LCORL: variants seen among roughly 807,000 people sequenced by gnomAD.
LCORL encodes ligand-dependent nuclear receptor corepressor-like protein.
A neutral mutation model predicts 141.8 loss-of-function variants in LCORL; 41 were observed. The ratio of observed to expected loss-of-function variants is 0.29; its 90% CI spans 0.23 to 0.38. The LOEUF (loss-of-function observed/expected upper bound fraction) is 0.38. LCORL is among the 10% of genes least tolerant of loss of function. The pLI, the probability that LCORL is intolerant of heterozygous loss-of-function variation, is 1.00. For synonymous variants in LCORL, 618 were observed against 694.1 expected (o/e 0.89, Z 1.72); for missense variants, 1,759 against 2,035.0 (o/e 0.86, Z 2.61).
At position 17,987,599 on chromosome 4, in the gene LCORL, A is replaced by T. The variant is rs543408068; in HGVS notation, c.155-14714T>A. Among the ~76,000 whole-genome samples the T allele has an allele frequency of 2.1e-4, 32 of 152,300 alleles. No individual in the cohort carries two copies. The Middle Eastern group carries it at 0.014, about 65-fold the overall frequency. ...TGGGTCATATGGTAAGTTTATATTT[A>T]ACATTAAAAAAAACTGACAAACTGC... On this transcript the variant is annotated intron_variant, in intron 1 of 7. Coordinates refer to ENST00000635767, the Ensembl canonical transcript of LCORL.
chr4:17,875,362 A>T, exon 7 of LCORL: 1 of 1,231,444 alleles, frequency 8.1e-7, no homozygotes, highest in Non-Finnish European at 1.0e-6. Context: ...CCAGACCCCA[A>T]GATCTCACTT....
At chr4:17,842,471 G>A in exon 8 of LCORL, 2 of 980,340 alleles carry the variant, frequency 2.0e-6, no homozygotes, top group Non-Finnish European at 1.6e-6. Context: ...GAATGAGAGA[G>A]AATATATAAC....
At chr4:17,851,587 T>C (rs1243367719) in intron 7 of LCORL, among the ~76,000 whole-genome samples, 2 of 152,240 alleles carry the variant, frequency 1.3e-5, no homozygotes, top group East Asian at 3.8e-4. Flanking sequence ...TAATTGATTT[T>C]ATCAGTCCTC....
At chr4:17,873,337 T>C (rs1342592538) in intron 7 of LCORL, 51 bp downstream of exon 7, 2 of 1,110,838 alleles carry the variant, frequency 1.8e-6, no homozygotes, top group African/African-American at 1.6e-5. Context: ...TGTTATACTT[T>C]ACTCAAGGCA....
intron 5 of LCORL, among the ~76,000 whole-genome samples, chr4:17,892,457 G>A (rs955212881): frequency 3.3e-5 from 5 of 152,000 alleles, no homozygotes; most frequent in African/African-American, 7.2e-5. Context: ...TGATCTGCCC[G>A]CCTTGGCCTC....
intron 5 of LCORL, among the ~76,000 whole-genome samples, chr4:17,894,236 G>GT (rs1729542833): frequency 1.3e-5 from 2 of 152,112 alleles, no homozygotes; most frequent in African/African-American, 4.8e-5. Context: ...TTGAAAAACT[G>GT]TAAGTTGAAC....
chr4:17,898,651 CG>C (rs1328993671), intron 5 of LCORL, among the ~76,000 whole-genome samples: 10 of 104,754 alleles, frequency 9.5e-5, no homozygotes, highest in Non-Finnish European at 1.3e-4. Flanking sequence ...TCATTCTCAC[CG>C]TTTTTTTTTT....
intron 4 of LCORL, among the ~76,000 whole-genome samples, chr4:17,939,907 T>TAC (rs1414596548): frequency 8.9e-5 from 11 of 122,984 alleles, no homozygotes; most frequent in Admixed American, 2.3e-4. Context: ...TATGTATATA[T>TAC]ACATATATGT....
At chr4:17,908,039 T>TC (rs1343710023) in intron 5 of LCORL, among the ~76,000 whole-genome samples, 1 of 151,350 alleles carries the variant, frequency 6.6e-6, no homozygotes, top group Non-Finnish European at 1.5e-5. Flanking sequence ...TATATTCTTC[T>TC]TTTTTTTTAA....
At chr4:17,902,025 T>C (rs1236964886) in intron 5 of LCORL, among the ~76,000 whole-genome samples, 1 of 151,918 alleles carries the variant, frequency 6.6e-6, no homozygotes, top group Non-Finnish European at 1.5e-5. Context: ...AAATAAGTAA[T>C]ATGTACTTAC....
At chr4:17,916,790 A>T (rs1733515976) in intron 4 of LCORL, among the ~76,000 whole-genome samples, 2 of 151,666 alleles carry the variant, frequency 1.3e-5, no homozygotes, top group South Asian at 4.2e-4. Flanking sequence ...GATTACAGGC[A>T]TGTGCCACCA....
chr4:17,911,823 C>A, intron 4 of LCORL: 1 of 454,122 alleles, frequency 2.2e-6, no homozygotes. Context: ...CCATGTCCTG[C>A]TCCACCAGCT....
chr4:18,021,822 GGCGCGAGCCCC>G lies in LCORL; in HGVS notation c.-82_-72del. The G allele has an allele frequency of 7.2e-7, 1 of 1,390,040 alleles. No homozygotes were observed. Among genetic ancestry groups the G allele is most frequent in the Non-Finnish European group, 9.3e-7 (1 of 1,078,720 alleles). The allele number at this position is 1,390,040 out of a possible 1,614,324, so 86.1% of individuals were successfully genotyped here. On this transcript the variant is annotated 5_prime_UTR_variant, in exon 1 of 8. Transcript: ENST00000635767. This position sits in a 1 kb window ranked among gnomAD's most constrained non-coding sequence, Gnocchi z 5.5. ...GCACGAGGCAGGGGCGCGAGCCCTC[GGCGCGAGCCCC>G]GGAGCGCGCGCCCCCCGGAGGGGGG...
Position 17,906,356 on chromosome 4 carries a change from C to T in LCORL, c.682+2738G>A, listed in dbSNP as rs140059615. Reference sequence around the variant, plus strand: ...GTCAAAATTTGGTCCCTACCTACTTCTTTAGCTTCATCTACCATCACTCTT... The same window carrying T: ...GTCAAAATTTGGTCCCTACCTACTTTTTTAGCTTCATCTACCATCACTCTT... On this transcript the variant is annotated intron_variant, in intron 5 of 7. Transcript: ENST00000635767. Among the ~76,000 whole-genome samples the T allele has an allele frequency of 7.8e-3, 1,193 of 152,238 alleles. 4 individuals carry two copies. The highest frequency in any genetic ancestry group is 0.017 in the African/African-American group (716 of 41,544).
intron 5 of LCORL, among the ~76,000 whole-genome samples, chr4:17,890,228 C>T (rs1728882995): frequency 1.3e-5 from 2 of 152,038 alleles, no homozygotes; most frequent in Admixed American, 1.3e-4. Flanking sequence ...ATTTATTTCC[C>T]ACATCCTTGA....
chr4:17,934,005 A>G (rs1438241412), intron 4 of LCORL, among the ~76,000 whole-genome samples: 1 of 152,048 alleles, frequency 6.6e-6, no homozygotes, highest in Non-Finnish European at 1.5e-5. Flanking sequence ...GTACCTTGCC[A>G]AGACTGCTAC....
At chr4:17,895,218 A>T (rs1729733034) in intron 5 of LCORL, among the ~76,000 whole-genome samples, 1 of 152,084 alleles carries the variant, frequency 6.6e-6, no homozygotes, top group African/African-American at 2.4e-5. Context: ...CTATGTTACC[A>T]TTAACTATAG....
chr4:17,861,599 A>T (rs558921876), intron 7 of LCORL, among the ~76,000 whole-genome samples: 1 of 152,326 alleles, frequency 6.6e-6, no homozygotes, highest in African/African-American at 2.4e-5. Flanking sequence ...CTCATTAGTT[A>T]TGCAAATTTC....
chr4:17,910,164 T>A (rs560888797), intron 4 of LCORL, among the ~76,000 whole-genome samples: 1 of 152,198 alleles, frequency 6.6e-6, no homozygotes, highest in East Asian at 1.9e-4. Context: ...CTGAAACTTA[T>A]ATAATTGGTA....
Sources: gnomAD v4.1 joint callset for allele counts (sites outside exome capture counted in the v4.1 genomes callset) on GRCh38, gnomAD v4.1.1 for gene constraint, Gnocchi (gnomAD v3.1) non-coding constraint, MANE v1.5 for transcripts, NCBI Gene and HGNC (gene_info 2026-07-23, HGNC 2026-07-21) for gene names.